SLC22A23: variants seen among roughly 807,000 people sequenced by gnomAD.
The protein encoded by SLC22A23 is solute carrier family 22 member 23.
SLC22A23 carries 26 observed loss-of-function variants against 61.0 expected under a neutral mutation model. That is an observed-to-expected ratio of 0.43 (90% confidence interval 0.31 to 0.59). SLC22A23 has a LOEUF of 0.59. Ranked by LOEUF, SLC22A23 falls within the 20% of genes least tolerant of loss-of-function variation. The pLI, the probability that SLC22A23 is intolerant of heterozygous loss-of-function variation, is 0.11. For synonymous variants in SLC22A23, 430 were observed against 413.9 expected, an observed-to-expected ratio of 1.04 and a Z score of -0.47; for missense variants, 796 against 934.7, an observed-to-expected ratio of 0.85 and a Z score of 1.94.
intron 1 of SLC22A23, chr6:3,444,734 T>TA: frequency 1.1e-6 from 1 of 936,164 alleles, no homozygotes. Flanking sequence ...GGTTGGAACT[T>TA]AGACACATAA....
At chr6:3,391,836 T>C (rs749841674) in intron 3 of SLC22A23, among the ~76,000 whole-genome samples, 1 of 151,880 alleles carries the variant, frequency 6.6e-6, no homozygotes, top group African/African-American at 2.4e-5. Flanking sequence ...AAAGCGATCA[T>C]AGTGACAAGA....
At chr6:3,301,384 G>C (rs890847694) in intron 4 of SLC22A23, among the ~76,000 whole-genome samples, 1 of 152,120 alleles carries the variant, frequency 6.6e-6, no homozygotes, top group African/African-American at 2.4e-5. Flanking sequence ...ATTTCTATGA[G>C]AATTTTTGCT....
chr6:3,411,778 G>C (rs1769269694), intron 2 of SLC22A23, among the ~76,000 whole-genome samples: 1 of 152,178 alleles, frequency 6.6e-6, no homozygotes, highest in Non-Finnish European at 1.5e-5. Context: ...GTGAAACAAG[G>C]CCAAGGCTAG....
At chr6:3,334,452 C>T (rs532655478) in intron 3 of SLC22A23, among the ~76,000 whole-genome samples, 80 of 152,228 alleles carry the variant, frequency 5.3e-4, no homozygotes, top group African/African-American at 1.9e-3. Flanking sequence ...TGAGCCACTG[C>T]GCCCAGCGTA....
chr6:3,344,677 C>T lies in SLC22A23; in HGVS notation c.914-20675G>A, dbSNP rs375031414. On this transcript the variant is annotated intron_variant, in intron 3 of 9. Transcript: ENST00000406686. ...TCCTTTTTCTGGAGGTAGAAGTGAA[C>T]AGCGTGTCTTGAAAGAACCAATTCC... Among the ~76,000 whole-genome samples the T allele has an allele frequency of 2.6e-5, 4 of 152,348 alleles. No individual in the cohort carries two copies. The East Asian group carries it at 7.7e-4, about 29-fold the overall frequency.
chr6:3,435,025 T>C (rs370272240), intron 1 of SLC22A23, among the ~76,000 whole-genome samples: 111 of 152,194 alleles, frequency 7.3e-4, no homozygotes, highest in African/African-American at 2.6e-3. Context: ...CATAGAAACC[T>C]GGGCGGAGAA....
chr6:3,438,650 T>C (rs1025013458), intron 1 of SLC22A23: 5 of 399,548 alleles, frequency 1.3e-5, no homozygotes, highest in Non-Finnish European at 2.5e-5. Context: ...CAAACAAACG[T>C]TTCCTTTTCT....
intron 1 of SLC22A23, among the ~76,000 whole-genome samples, chr6:3,426,735 C>T (rs1770518646): frequency 6.6e-6 from 1 of 152,026 alleles, no homozygotes. Context: ...AAATGATGAC[C>T]TTTTCCATGA....
chr6:3,410,095 C>G lies in SLC22A23; in HGVS notation c.913+93G>C. The stretch of plus-strand genomic sequence containing the variant: ...GTTTCCACAAAACTGCCAGCCCACA[C>G]GAGCAGCATGCACAGTATCTTTCCC... On this transcript the variant is annotated intron_variant, in intron 3 of 9. Transcript: ENST00000406686. The surrounding 1 kb of genome is among the most constrained non-coding windows in gnomAD (Gnocchi z 5.0). 1 of 1,422,106 alleles carries G rather than the reference C, an allele frequency of 7.0e-7. No individual in the cohort carries two copies. The highest frequency in any genetic ancestry group is 9.4e-7 in the Non-Finnish European group (1 of 1,061,514). 88.1% of individuals were successfully genotyped at this position (1,422,106 alleles called of 1,614,324 possible). A position where few individuals can be genotyped will look rare whatever the true frequency, so the allele number is the denominator to read the frequency against.
Position 3,327,103 on chromosome 6 carries a change from A to C in SLC22A23, c.914-3101T>G, listed in dbSNP as rs536436220. On this transcript the variant is annotated intron_variant, in intron 3 of 9. Transcript: ENST00000406686. The surrounding 1 kb of genome is among the most constrained non-coding windows in gnomAD (Gnocchi z 4.1). ...GGAGGGACGGGGACTGCAGGTGGAT[A>C]GTTTTTGCTGGGCTCTGCAAGCAGA... is the stretch of plus-strand genomic sequence containing the variant. Among the ~76,000 whole-genome samples, 5 of 151,102 alleles carry C rather than the reference A, an allele frequency of 3.3e-5. No homozygotes were observed. The highest frequency in any genetic ancestry group is 4.4e-5 in the Non-Finnish European group (3 of 67,810).
intron 3 of SLC22A23, among the ~76,000 whole-genome samples, chr6:3,379,767 C>A (rs914204711): frequency 2.0e-5 from 3 of 152,118 alleles, no homozygotes; most frequent in African/African-American, 4.8e-5. Flanking sequence ...AAACAGAAGT[C>A]ATGCAGCTGG....
rs1326418553 is a variant in SLC22A23, at chr6:3,283,875, C to T, written c.1680G>A (p.Ala560=). 10 of 1,613,660 alleles carry T rather than the reference C, an allele frequency of 6.2e-6. No individual in the cohort carries two copies. The highest frequency in any genetic ancestry group is 1.7e-5 in the Admixed American group (1 of 60,000). The stretch of plus-strand genomic sequence containing the variant: ...ACCTTATCACCGTCGGGGTGATCTC[C>T]GCACAGAAGAACACGCTGAGGCTCC... ...AVGSLSVFFC[A]EITPTVIRCG... The change falls in exon 9 of 10, where the codon GCG becomes GCA. Residue 560 remains alanine (A), a synonymous_variant. Coordinates refer to ENST00000406686, the MANE Select transcript of SLC22A23 (RefSeq NM_015482.2).
chr6:3,426,979 G>A (rs974532652), intron 1 of SLC22A23, among the ~76,000 whole-genome samples: 1 of 152,258 alleles, frequency 6.6e-6, no homozygotes, highest in African/African-American at 2.4e-5. Context: ...GTAAGCGAGA[G>A]CCTGGTAGCA....
At chr6:3,295,217 G>A (rs1011718039) in intron 5 of SLC22A23, among the ~76,000 whole-genome samples, 1 of 152,264 alleles carries the variant, frequency 6.6e-6, no homozygotes, top group Non-Finnish European at 1.5e-5. Flanking sequence ...TCGTAGCTGG[G>A]ATGAGGGGAA....
intron 3 of SLC22A23, among the ~76,000 whole-genome samples, chr6:3,406,377 C>T (rs1245570666): frequency 6.6e-6 from 1 of 152,212 alleles, no homozygotes; most frequent in Non-Finnish European, 1.5e-5. Context: ...ATTCATACCA[C>T]AACCAATCAC....
chr6:3,370,415 A>C (rs1766138244), intron 3 of SLC22A23, among the ~76,000 whole-genome samples: 1 of 152,262 alleles, frequency 6.6e-6, no homozygotes, highest in South Asian at 2.1e-4. Context: ...CTTTGTACGA[A>C]GCTTTCTCTG....
chr6:3,442,857 T>C (rs1771684596), intron 1 of SLC22A23, among the ~76,000 whole-genome samples: 2 of 152,156 alleles, frequency 1.3e-5, no homozygotes, highest in Non-Finnish European at 2.9e-5. Flanking sequence ...CTAGCATTCC[T>C]ACGACTTAAC....
intron 9 of SLC22A23, 53 bp from the exon 10 acceptor site, chr6:3,273,465 C>T: frequency 6.3e-7 from 1 of 1,591,052 alleles, no homozygotes; most frequent in Non-Finnish European, 8.5e-7. Context: ...CGGGCTGGAT[C>T]CCGGGAAAGC....
chr6:3,413,158 T>A (rs1380318041), intron 2 of SLC22A23, among the ~76,000 whole-genome samples: 3 of 151,908 alleles, frequency 2.0e-5, no homozygotes, highest in Non-Finnish European at 4.4e-5. Context: ...TACAGAAGAG[T>A]AAACAAGCTG....
Sources: gnomAD v4.1 joint callset for allele counts (sites outside exome capture counted in the v4.1 genomes callset) on GRCh38, gnomAD v4.1.1 for gene constraint, Gnocchi (gnomAD v3.1) non-coding constraint, MANE v1.5 for transcripts, NCBI Gene and HGNC (gene_info 2026-07-23, HGNC 2026-07-21) for gene names.